HUWE1: variants seen among roughly 807,000 people sequenced by gnomAD.
HUWE1 encodes E3 ubiquitin-protein ligase HUWE1.
HUWE1 carries 18 observed loss-of-function variants against 299.4 expected under a neutral mutation model. The observed-to-expected ratio is 0.06, with a 90% CI of 0.04 to 0.09. The LOEUF is 0.09. HUWE1 is among the 10% of genes least tolerant of loss of function. The pLI is 1.00. For missense variants in HUWE1, 1,832 were observed against 3,462.3 expected, an observed-to-expected ratio of 0.53 and a Z score of 11.82; for synonymous variants, 1,317 against 1,286.1, an observed-to-expected ratio of 1.02 and a Z score of -0.51.
intron 42 of HUWE1, among the ~76,000 whole-genome samples, chrX:53,581,665 A>ATT (rs1265066640): frequency 4.9e-4 from 53 of 107,219 alleles, no homozygotes; most frequent in African/African-American, 1.8e-3. Flanking sequence ...TGGTATCTTA[A>ATT]TTTTTTTTTT....
intron 75 of HUWE1, 117 bp downstream of exon 75, chrX:53,539,540 C>T: frequency 1.4e-6 from 1 of 695,295 alleles, no homozygotes; most frequent in Admixed American, 2.7e-5. Flanking sequence ...CTTTTGAATT[C>T]TCATTACAGA....
chrX:53,607,816 T>A (rs1556998265), intron 24 of HUWE1, 117 bp from the exon 25 acceptor site: 3 of 500,819 alleles, frequency 6.0e-6, no homozygotes, highest in Non-Finnish European at 1.1e-5. Flanking sequence ...CTATAGAGTA[T>A]CAAAACCTCA....
chrX:53,651,662 G>A (rs1001150769), intron 4 of HUWE1, among the ~76,000 whole-genome samples: 1 of 111,119 alleles, frequency 9.0e-6, no homozygotes, highest in Non-Finnish European at 1.9e-5. Flanking sequence ...CTGCAAATGT[G>A]GAACCCACAC....
chrX:53,546,453 G>A lies in HUWE1; in HGVS notation c.10898C>T (p.Thr3633Ile), dbSNP rs781873282. Residue 3633 changes from threonine (T) to isoleucine (I), a missense_variant, in exon 70 of 84, where the codon ACC becomes ATC. Thr to Ile is a moderately conservative substitution (Grantham distance 89). Coordinates refer to ENST00000262854, the MANE Select transcript of HUWE1 (RefSeq NM_031407.7). ...GCTATTACCTATTTGTTTACAAAGG[G>A]TATAACCCAGATGGCGGGCTCCATT... Reference protein sequence around the residue: ...LLNGARHLGYTLCKQIGTLLA... With the variant: ...LLNGARHLGYILCKQIGTLLA... 7.4e-6 allele frequency: 9 copies of A among 1,210,358 alleles called. No homozygotes were observed. Among genetic ancestry groups the A allele is most frequent in the Non-Finnish European group, 1.0e-5 (9 of 894,661 alleles).
intron 3 of HUWE1, among the ~76,000 whole-genome samples, chrX:53,657,865 C>G (rs1346619898): frequency 9.2e-6 from 1 of 108,329 alleles, no homozygotes; most frequent in Non-Finnish European, 1.9e-5. Flanking sequence ...CTGGCTAACA[C>G]GGTGAAACCC....
At chrX:53,631,853 A>T in intron 9 of HUWE1, 1 of 408,937 alleles carries the variant, frequency 2.4e-6, no homozygotes, top group Non-Finnish European at 4.3e-6. Context: ...GCACATAGCC[A>T]GGCACATTTC....
chrX:53,673,796 C>T (rs1205499166), intron 3 of HUWE1, among the ~76,000 whole-genome samples: 1 of 111,416 alleles, frequency 9.0e-6, no homozygotes, highest in Non-Finnish European at 1.9e-5. Context: ...GGGGTAGGGA[C>T]AGGGATTGTT....
chrX:53,632,812 T>C (rs1036788676), intron 8 of HUWE1, among the ~76,000 whole-genome samples: 5 of 112,116 alleles, frequency 4.5e-5, no homozygotes, highest in Admixed American at 2.8e-4. Context: ...ATTTCATACT[T>C]ATAAATTTCC....
rs1464225109 is a variant in HUWE1 at position 53,600,437 on chromosome X, G to C, written c.2972-128C>G. On this transcript the variant is annotated intron_variant, in intron 28 of 83. Coordinates refer to ENST00000262854, the MANE Select transcript of HUWE1 (RefSeq NM_031407.7). ...TCAATTCCCATGGCTTCCTAAATTTGAAAAACAAAAACACGACCCAAATAT... is the reference window on the plus strand; with the variant it reads ...TCAATTCCCATGGCTTCCTAAATTTCAAAAACAAAAACACGACCCAAATAT... 11 of 522,237 alleles carry C rather than the reference G, an allele frequency of 2.1e-5. No individual in the cohort carries two copies. In the South Asian group the frequency reaches 3.4e-4, roughly 16 times the overall value. The allele number at this position is 522,237 out of a possible 1,213,427, so 43.0% of individuals were successfully genotyped here.
intron 7 of HUWE1, among the ~76,000 whole-genome samples, chrX:53,644,985 G>A (rs2067873433): frequency 8.9e-6 from 1 of 112,044 alleles, no homozygotes; most frequent in African/African-American, 3.2e-5. Context: ...GCAGGGCCAG[G>A]ACTCAAATCT....
chrX:53,591,953 T>C (rs1461991208), intron 33 of HUWE1, among the ~76,000 whole-genome samples: 1 of 112,253 alleles, frequency 8.9e-6, no homozygotes, highest in Non-Finnish European at 1.9e-5. Flanking sequence ...GGACTTTACA[T>C]GCCTTTCCCC....
chrX:53,629,434 C>A, intron 13 of HUWE1, 82 bp downstream of exon 13: 2 of 632,372 alleles, frequency 3.2e-6, no homozygotes, highest in African/African-American at 2.2e-5. Context: ...TATCCCCTCC[C>A]CCCCCAAAAA....
chrX:53,638,680 G>C (rs1476404432), intron 7 of HUWE1, among the ~76,000 whole-genome samples: 3 of 112,152 alleles, frequency 2.7e-5, no homozygotes, highest in African/African-American at 9.7e-5. Flanking sequence ...CAAATTCTGA[G>C]GCCCACTCCA....
chrX:53,597,334 A>G (rs1356931074), intron 29 of HUWE1, among the ~76,000 whole-genome samples: 4 of 99,263 alleles, frequency 4.0e-5, no homozygotes, highest in Non-Finnish European at 8.1e-5. Flanking sequence ...ACTTTGAAGG[A>G]AAAAAAAAAA....
rs781963396 is a variant in HUWE1, at chrX:53,534,082, C to T, written c.12947G>A (p.Gly4316Asp). ...CTGAAACTTCTGAATGCCATTCATG[C>T]CTTCGAGGGCAGCAAAGCCTTGCAG... is the stretch of plus-strand genomic sequence containing the variant. ...VPLQGFAALE[G>D]MNGIQKFQIH... The change falls in exon 83 of 84, where the codon GGC becomes GAC. Residue 4316 changes from glycine (G) to aspartate (D), a missense_variant. This residue lies in a region of HUWE1 where 129 missense variants were observed against 439.4 expected (regional missense o/e 0.29). Coordinates refer to ENST00000262854, the MANE Select transcript of HUWE1 (RefSeq NM_031407.7). 8.3e-7 allele frequency: 1 copy of T among 1,209,177 alleles called. No individual in the cohort carries two copies. The highest frequency in any genetic ancestry group is 2.2e-5 in the Admixed American group (1 of 45,723).
At chrX:53,670,552 G>T (rs1396435948) in intron 3 of HUWE1, among the ~76,000 whole-genome samples, 1 of 111,364 alleles carries the variant, frequency 9.0e-6, no homozygotes, top group Non-Finnish European at 1.9e-5. Flanking sequence ...TTTGCTAGAG[G>T]GAGAGATCTG....
intron 42 of HUWE1, among the ~76,000 whole-genome samples, chrX:53,581,923 A>G (rs1399627597): frequency 8.9e-6 from 1 of 111,871 alleles, no homozygotes; most frequent in East Asian, 2.8e-4. Flanking sequence ...GTTATCAGAT[A>G]AATTCTTAGC....
intron 7 of HUWE1, among the ~76,000 whole-genome samples, chrX:53,638,190 A>G (rs1557027813): frequency 9.0e-6 from 1 of 111,179 alleles, no homozygotes; most frequent in Non-Finnish European, 1.9e-5. Flanking sequence ...ATACAAAAAA[A>G]TTAGCCGGGC....
intron 17 of HUWE1, among the ~76,000 whole-genome samples, chrX:53,626,679 T>C (rs1224983810): frequency 8.9e-6 from 1 of 111,875 alleles, no homozygotes; most frequent in Admixed American, 9.5e-5. Context: ...AATCATTGAC[T>C]ACAGTTTATA....
Sources: allele counts gnomAD v4.1 joint callset (sites outside exome capture counted in the v4.1 genomes callset), GRCh38; gene constraint gnomAD v4.1.1; regional missense constraint gnomAD v4.1.1; transcripts MANE v1.5; gene names NCBI Gene and HGNC (gene_info 2026-07-23, HGNC 2026-07-21).